The following NRG1 variants were observed in gnomAD, a reference collection of about 807,000 sequenced individuals.
NRG1 encodes pro-neuregulin-1, membrane-bound isoform.
Under a neutral mutation model 63.8 loss-of-function variants are expected in NRG1, and 18 were observed. That is an observed-to-expected ratio of 0.28 (90% confidence interval 0.19 to 0.42). NRG1 has a LOEUF of 0.42. Among genes scored for constraint, NRG1 ranks in the 10% least tolerant of loss-of-function variants. The probability of loss-of-function intolerance (pLI) is 1.00; values close to 1 mark genes in which losing one functional copy is unlikely to be tolerated. For synonymous variants in NRG1, 302 were observed against 301.3 expected (o/e 1.00, Z -0.02); for missense variants, 762 against 814.7 (o/e 0.94, Z 0.79).
At chr8:32,676,424 T>C (rs1807132261) in intron 5 of NRG1, among the ~76,000 whole-genome samples, 1 of 152,190 alleles carries the variant, frequency 6.6e-6, no homozygotes, top group Non-Finnish European at 1.5e-5. Flanking sequence ...GTCTTTCTCA[T>C]AATTATGTTC....
intron 1 of NRG1, among the ~76,000 whole-genome samples, chr8:32,113,505 G>T (rs1832310297): frequency 6.6e-6 from 1 of 152,174 alleles, no homozygotes; most frequent in South Asian, 2.1e-4. Context: ...GGTGCTAGCT[G>T]CTTCCTGATA....
At chr8:32,069,777 C>T (rs972658763) in intron 1 of NRG1, among the ~76,000 whole-genome samples, 9 of 152,116 alleles carry the variant, frequency 5.9e-5, no homozygotes, top group African/African-American at 1.9e-4. Flanking sequence ...CTGAGGGGCA[C>T]TCAGTTCACC....
At chr8:31,680,115 C>A (rs918444866) in intron 1 of NRG1, among the ~76,000 whole-genome samples, 1 of 151,952 alleles carries the variant, frequency 6.6e-6, no homozygotes, top group African/African-American at 2.4e-5. Flanking sequence ...AGATATGATT[C>A]TCCTAAAATT....
At chr8:32,055,627 CCCTT>C (rs1402300516) in intron 1 of NRG1, among the ~76,000 whole-genome samples, 1 of 151,326 alleles carries the variant, frequency 6.6e-6, no homozygotes, top group Non-Finnish European at 1.5e-5. Context: ...TCTCCCTCCT[CCCTT>C]GTCACAAAGC....
chr8:32,668,580 A>G (rs1389390519), intron 5 of NRG1, among the ~76,000 whole-genome samples: 2 of 152,152 alleles, frequency 1.3e-5, no homozygotes, highest in Non-Finnish European at 2.9e-5. Context: ...TTCTTGCTTC[A>G]TGTGTGTGAA....
chr8:32,527,565 T>C (rs1830991098), intron 1 of NRG1, among the ~76,000 whole-genome samples: 1 of 152,068 alleles, frequency 6.6e-6, no homozygotes, highest in Non-Finnish European at 1.5e-5. Flanking sequence ...TGGGTCAATA[T>C]ACACTAAAAG....
chr8:31,852,359 G>T (rs1293028346), intron 1 of NRG1, among the ~76,000 whole-genome samples: 4 of 151,774 alleles, frequency 2.6e-5, no homozygotes, highest in African/African-American at 9.6e-5. Flanking sequence ...CTGATGGCCA[G>T]TGATGGTGAG....
intron 1 of NRG1, among the ~76,000 whole-genome samples, chr8:31,833,326 G>A (rs1219831140): frequency 6.6e-6 from 1 of 152,170 alleles, no homozygotes; most frequent in Non-Finnish European, 1.5e-5. Context: ...TTTGCCAAAT[G>A]TCCTATCCTT....
At chr8:32,563,110 A>G (rs1023404040) in intron 1 of NRG1, among the ~76,000 whole-genome samples, 1 of 152,144 alleles carries the variant, frequency 6.6e-6, no homozygotes, top group Non-Finnish European at 1.5e-5. Context: ...TTCTTAAAAC[A>G]TTATGAGCTT....
At chr8:31,960,571 C>T (rs1422176177) in intron 1 of NRG1, among the ~76,000 whole-genome samples, 1 of 152,190 alleles carries the variant, frequency 6.6e-6, no homozygotes, top group Admixed American at 6.5e-5. Flanking sequence ...GAACAATTAA[C>T]TTTATTTTCC....
chr8:31,661,286 C>T (rs561661572), intron 1 of NRG1, among the ~76,000 whole-genome samples: 11 of 152,234 alleles, frequency 7.2e-5, no homozygotes, highest in Admixed American at 2.0e-4. Context: ...GAGGTCTGAC[C>T]GCCTTTTATC....
intron 1 of NRG1, among the ~76,000 whole-genome samples, chr8:31,712,525 C>A (rs544841409): frequency 6.6e-6 from 1 of 152,276 alleles, no homozygotes; most frequent in South Asian, 2.1e-4. Flanking sequence ...GCCTCGGCCT[C>A]CCAAAGTGCT....
intron 1 of NRG1, among the ~76,000 whole-genome samples, chr8:32,541,621 A>C (rs953402986): frequency 1.3e-5 from 2 of 152,142 alleles, no homozygotes; most frequent in Non-Finnish European, 2.9e-5. Flanking sequence ...TAAATTTAAC[A>C]GGGTTGAATC....
At position 32,742,653 on chromosome 8, in the gene NRG1, GT is replaced by G. The variant is rs760961872; in HGVS notation, c.633-15del. On this transcript the variant is annotated intron_variant, in intron 6 of 11. Transcript: ENST00000356819. This position sits in a 1 kb window ranked among gnomAD's most constrained non-coding sequence, Gnocchi z 4.2. ...TCTTTTTCTCTGTTTTTCTACCATT[GT>G]TTTTTTGTTTCTTCTCTCAGGTGCC... is the stretch of plus-strand genomic sequence containing the variant. 2.5e-6 allele frequency: 4 copies of G among 1,606,258 alleles called. No individual in the cohort carries two copies. The Admixed American group carries it at 6.7e-5, about 27-fold the overall frequency.
At chr8:31,836,013 C>A (rs997959993) in intron 1 of NRG1, among the ~76,000 whole-genome samples, 7 of 152,112 alleles carry the variant, frequency 4.6e-5, no homozygotes, top group Admixed American at 4.6e-4. Context: ...TGGCTGGTGG[C>A]TACCTTATTG....
intron 4 of NRG1, among the ~76,000 whole-genome samples, chr8:32,615,098 G>A (rs1847111271): frequency 1.3e-5 from 2 of 152,098 alleles, no homozygotes; most frequent in African/African-American, 4.8e-5. Context: ...TCACTTGCCT[G>A]TAGTATTTGC....
At chr8:31,853,984 C>G (rs905864749) in intron 1 of NRG1, among the ~76,000 whole-genome samples, 2 of 148,030 alleles carry the variant, frequency 1.4e-5, no homozygotes, top group African/African-American at 5.0e-5. Flanking sequence ...GGTGGATAAG[C>G]TTTTTGATGT....
chr8:32,123,092 C>A (rs1001137592), intron 1 of NRG1, among the ~76,000 whole-genome samples: 1 of 151,936 alleles, frequency 6.6e-6, no homozygotes, highest in Non-Finnish European at 1.5e-5. Context: ...TGAGAATGCA[C>A]CTGGATCAGT....
At chr8:32,557,503 T>G (rs754925000) in intron 1 of NRG1, among the ~76,000 whole-genome samples, 11 of 152,226 alleles carry the variant, frequency 7.2e-5, no homozygotes, top group Non-Finnish European at 1.5e-4. Flanking sequence ...GAGAGGGGTC[T>G]GTCTTGAAGC....
Sources: allele counts gnomAD v4.1 joint callset (sites outside exome capture counted in the v4.1 genomes callset), GRCh38; gene constraint gnomAD v4.1.1; non-coding constraint Gnocchi (gnomAD v3.1); transcripts MANE v1.5; gene names NCBI Gene and HGNC (gene_info 2026-07-23, HGNC 2026-07-21).